The following GRIN1 variants were observed in gnomAD, a reference collection of about 807,000 sequenced individuals.
The protein encoded by GRIN1 is glutamate receptor ionotropic, NMDA 1.
Under a neutral mutation model 103.0 loss-of-function variants are expected in GRIN1, and 38 were observed. The observed-to-expected ratio is 0.37, with a 90% CI of 0.28 to 0.48. GRIN1 has a LOEUF of 0.48. GRIN1 is among the 20% of genes least tolerant of loss of function. The probability of loss-of-function intolerance (pLI) is 0.98; values close to 1 mark genes in which losing one functional copy is unlikely to be tolerated. For synonymous variants in GRIN1, 544 were observed against 532.7 expected, an observed-to-expected ratio of 1.02 and a Z score of -0.29; for missense variants, 577 against 1,288.9, an observed-to-expected ratio of 0.45 and a Z score of 8.46.
At chr9:137,151,531 C>T (rs1465872908) in intron 4 of GRIN1, among the ~76,000 whole-genome samples, 1 of 150,616 alleles carries the variant, frequency 6.6e-6, no homozygotes, top group Non-Finnish European at 1.5e-5. Context: ...TAGAGAAATT[C>T]CCACTCAGAG....
chr9:137,168,538 C>A lies in GRIN1; in HGVS notation c.*1011C>A. 4.1e-6 allele frequency: 1 copy of A among 244,102 alleles called. No homozygotes were observed. The highest frequency in any genetic ancestry group is 7.8e-6 in the Non-Finnish European group (1 of 128,618). The allele number at this position is 244,102 out of a possible 1,614,324, so 15.1% of individuals were successfully genotyped here. ...TCAACCCTGCCCTGCACCTTGGGCA[C>A]GGGAGAGCGCCACCCGCCCGCCCCC... is the stretch of plus-strand genomic sequence containing the variant. On this transcript the variant is annotated 3_prime_UTR_variant, in exon 20 of 20. Coordinates refer to ENST00000371561, the MANE Select transcript of GRIN1 (RefSeq NM_007327.4).
At chr9:137,162,814 G>A in intron 14 of GRIN1, 32 bp from the exon 15 acceptor site, 3 of 1,609,064 alleles carry the variant, frequency 1.9e-6, no homozygotes, top group African/African-American at 1.3e-5. Context: ...CTGGGGAGCC[G>A]CCGCCGCGAT....
In GRIN1 at chr9:137,165,166, C is replaced by T; in HGVS notation, c.2590-20C>T. The T allele has an allele frequency of 1.3e-6, 2 of 1,527,556 alleles. No individual in the cohort carries two copies. Among genetic ancestry groups the T allele is most frequent in the Non-Finnish European group, 1.8e-6 (2 of 1,102,398 alleles). The allele number at this position is 1,527,556 out of a possible 1,614,324, so 94.6% of individuals were successfully genotyped here. On this transcript the variant is annotated intron_variant, in intron 18 of 19. Coordinates refer to ENST00000371561, the MANE Select transcript of GRIN1 (RefSeq NM_007327.4). Reference sequence around the variant, plus strand: ...GGCCACCACCCTAGCCATCTAATCACTTATACATATTCATTTTAGGATAGA... The same window carrying T: ...GGCCACCACCCTAGCCATCTAATCATTTATACATATTCATTTTAGGATAGA...
Position 137,139,348 on chromosome 9 carries a change from G to A in GRIN1, c.-139G>A. 1 of 422,668 alleles carries A rather than the reference G, an allele frequency of 2.4e-6. No homozygotes were observed. The allele number at this position is 422,668 out of a possible 1,614,324, so 26.2% of individuals were successfully genotyped here. A position where few individuals can be genotyped will look rare whatever the true frequency, so the allele number is the denominator to read the frequency against. ...CGCCCCTTCCCTCGGCCGACGTCCC[G>A]GGACCGCCGCTCCGGGGGAGACGTG... On this transcript the variant is annotated 5_prime_UTR_variant, in exon 1 of 20. Coordinates refer to ENST00000371561, the MANE Select transcript of GRIN1 (RefSeq NM_007327.4). The surrounding 1 kb of genome is among the most constrained non-coding windows in gnomAD (Gnocchi z 7.7).
At chr9:137,159,257 G>A (rs1833398757) in intron 8 of GRIN1, among the ~76,000 whole-genome samples, 1 of 152,040 alleles carries the variant, frequency 6.6e-6, no homozygotes, top group African/African-American at 2.4e-5. Flanking sequence ...TCCTCCCCGG[G>A]CAGAGCCACA....
chr9:137,149,828 C>A (rs1374836059), intron 4 of GRIN1, among the ~76,000 whole-genome samples: 2 of 152,166 alleles, frequency 1.3e-5, no homozygotes, highest in Non-Finnish European at 2.9e-5. Flanking sequence ...TCCAACAGAG[C>A]GGAGCAAAAC....
At chr9:137,167,089 T>C (rs1401727181) in intron 19 of GRIN1, among the ~76,000 whole-genome samples, 1 of 152,028 alleles carries the variant, frequency 6.6e-6, no homozygotes, top group Non-Finnish European at 1.5e-5. Flanking sequence ...CCAGGGACCG[T>C]CCTCTGGGGC....
intron 1 of GRIN1, among the ~76,000 whole-genome samples, chr9:137,140,555 A>G (rs1423820253): frequency 6.6e-6 from 1 of 151,682 alleles, no homozygotes; most frequent in Non-Finnish European, 1.5e-5. Context: ...GCATCACACA[A>G]TCAATTTCAT....
chr9:137,153,891 A>C (rs995725906), intron 4 of GRIN1, among the ~76,000 whole-genome samples: 4 of 152,040 alleles, frequency 2.6e-5, no homozygotes, highest in South Asian at 4.1e-4. Context: ...GCTTACTGCA[A>C]CCTCTGCCCC....
chr9:137,149,693 C>T (rs1156730730), intron 4 of GRIN1, among the ~76,000 whole-genome samples: 1 of 152,180 alleles, frequency 6.6e-6, no homozygotes, highest in Non-Finnish European at 1.5e-5. Context: ...CTAGGTTCTC[C>T]CGGGAAGGAA....
Position 137,149,005 on chromosome 9 carries a change from G to A in GRIN1, c.571-4G>A, listed in dbSNP as rs201740054. 31 of 1,606,096 alleles carry A rather than the reference G, an allele frequency of 1.9e-5. No homozygotes were observed. In the South Asian group the frequency reaches 2.0e-4, roughly 10 times the overall value. ...GCCTGCTAACACTCTTGCTCACACC[G>A]CAGGCAGAGAAGGTGCTGCAGTTTG... On this transcript the variant is annotated splice_region_variant and splice_polypyrimidine_tract_variant and intron_variant, in intron 3 of 19. Coordinates refer to ENST00000371561, the MANE Select transcript of GRIN1 (RefSeq NM_007327.4).
Position 137,168,101 on chromosome 9 carries a change from G to T in GRIN1, c.*574G>T. ...GCTCCGGCAGAGGCAGGGCCCTGGGGTCTCTGAGCAGTGGGGAGCGGGGGC... is the reference window on the plus strand; with the variant it reads ...GCTCCGGCAGAGGCAGGGCCCTGGGTTCTCTGAGCAGTGGGGAGCGGGGGC... On this transcript the variant is annotated 3_prime_UTR_variant, in exon 20 of 20. Coordinates refer to ENST00000371561, the MANE Select transcript of GRIN1 (RefSeq NM_007327.4). The T allele has an allele frequency of 1.7e-6, 1 of 574,912 alleles. No individual in the cohort carries two copies. The highest frequency in any genetic ancestry group is 2.1e-5 in the South Asian group (1 of 48,704). The allele number at this position is 574,912 out of a possible 1,614,324, so 35.6% of individuals were successfully genotyped here. A position where few individuals can be genotyped will look rare whatever the true frequency, so the allele number is the denominator to read the frequency against.
chr9:137,145,666 G>T, intron 2 of GRIN1, 60 bp from the exon 3 acceptor site: 1 of 1,429,626 alleles, frequency 7.0e-7, no homozygotes, highest in South Asian at 1.2e-5. Context: ...AGTGGGAGGC[G>T]GGTGGGAGGG....
At chr9:137,162,113 T>TGGGGGGGTG in intron 11 of GRIN1, 25 bp downstream of exon 11, 1 of 300,890 alleles carries the variant, frequency 3.3e-6, no homozygotes, top group Non-Finnish European at 6.2e-6. Context: ...GGTGGCGGGG[T>TGGGGGGGTG]GGCGGCGGGG....
intron 4 of GRIN1, among the ~76,000 whole-genome samples, chr9:137,150,819 A>AG (rs1588704505): frequency 1.5e-5 from 2 of 132,242 alleles, no homozygotes; most frequent in Admixed American, 7.5e-5. Context: ...CCCCGCCCAG[A>AG]AAAGACCCGC....
Position 137,162,061 on chromosome 9 carries a change from C to T in GRIN1, c.1605C>T (p.Tyr535=), listed in dbSNP as rs142893745. The T allele has an allele frequency of 1.3e-6, 2 of 1,553,058 alleles. No individual in the cohort carries two copies. Among genetic ancestry groups the T allele is most frequent in the Non-Finnish European group, 8.7e-7 (1 of 1,148,360 alleles). ...TCGAGTTTTCCAAGCCCTTCAAGTA[C>T]CAGGGCCTGACTATTCTGGTCAAGA... ...QYIEFSKPFK[Y]QGLTILVKKE... Residue 535 remains tyrosine (Y), a synonymous_variant, in exon 11 of 20, where the codon TAC becomes TAT. Coordinates refer to ENST00000371561, the MANE Select transcript of GRIN1 (RefSeq NM_007327.4).
At chr9:137,157,912 C>T (rs1336802401) in intron 6 of GRIN1, among the ~76,000 whole-genome samples, 1 of 152,242 alleles carries the variant, frequency 6.6e-6, no homozygotes, top group Non-Finnish European at 1.5e-5. Flanking sequence ...ATCACGTGTG[C>T]ACACAGGTTC....
At position 137,163,601 on chromosome 9, in the gene GRIN1, G is replaced by T; in HGVS notation, c.2376G>T (p.Trp792Cys). ...TCATGGAAGACCTGGACAAGACGTG[G>T]GTTCGGTATCAGGAATGTGACTCGC... The part of the protein sequence containing the change: ...NGFMEDLDKT[W>C]VRYQECDSRS... The change falls in exon 17 of 20, where the codon TGG becomes TGT. Residue 792 changes from tryptophan (W) to cysteine (C), a missense_variant. Trp to Cys is a radical substitution (Grantham distance 215). Coordinates refer to ENST00000371561, the MANE Select transcript of GRIN1 (RefSeq NM_007327.4). 6.2e-7 allele frequency: 1 copy of T among 1,613,668 alleles called. No individual in the cohort carries two copies.
intron 4 of GRIN1, among the ~76,000 whole-genome samples, chr9:137,152,009 C>T (rs1832946033): frequency 1.3e-5 from 2 of 151,356 alleles, no homozygotes; most frequent in South Asian, 4.2e-4. Context: ...CGGGCTCACG[C>T]CATTCTCCTG....
Sources: gnomAD v4.1 joint callset for allele counts (sites outside exome capture counted in the v4.1 genomes callset) on GRCh38, gnomAD v4.1.1 for gene constraint, Gnocchi (gnomAD v3.1) non-coding constraint, MANE v1.5 for transcripts, NCBI Gene and HGNC (gene_info 2026-07-23, HGNC 2026-07-21) for gene names.